The following PCNX2 variants were observed in gnomAD, a reference collection of about 807,000 sequenced individuals.
The protein encoded by PCNX2 is pecanex 2.
PCNX2 carries 168 observed loss-of-function variants against 223.8 expected under a neutral mutation model. The observed-to-expected ratio is 0.75, with a 90% CI of 0.66 to 0.85. The LOEUF (loss-of-function observed/expected upper bound fraction) is 0.85. Ranked by LOEUF, PCNX2 falls within the 40% of genes least tolerant of loss-of-function variation. PCNX2 has a pLI of 0.00. For synonymous variants in PCNX2, 1,006 were observed against 1,052.6 expected (o/e 0.96, Z 0.86); for missense variants, 2,507 against 2,675.5 (o/e 0.94, Z 1.39).
intron 23 of PCNX2, among the ~76,000 whole-genome samples, chr1:233,066,316 G>C (rs999853809): frequency 2.6e-5 from 4 of 152,208 alleles, no homozygotes; most frequent in African/African-American, 7.2e-5. Context: ...TGGACCATGG[G>C]AAAGAAGAGC....
chr1:233,127,176 C>G (rs1436260046), intron 21 of PCNX2, among the ~76,000 whole-genome samples: 1 of 152,178 alleles, frequency 6.6e-6, no homozygotes, highest in Admixed American at 6.5e-5. Flanking sequence ...TGCTTAACAG[C>G]CGTCAGCTGA....
intron 23 of PCNX2, among the ~76,000 whole-genome samples, chr1:233,072,226 T>C (rs1045201321): frequency 2.6e-5 from 4 of 152,238 alleles, no homozygotes; most frequent in Non-Finnish European, 4.4e-5. Context: ...TCTGTTCCTA[T>C]ATCAAAATGG....
At chr1:233,280,296 AC>A (rs1345143079) in intron 1 of PCNX2, among the ~76,000 whole-genome samples, 2 of 108,666 alleles carry the variant, frequency 1.8e-5, no homozygotes, top group African/African-American at 3.3e-5. Context: ...ATTCCATATT[AC>A]CTTTTTTTTT....
chr1:233,320,118 A>AT, the PCNX2 span, among the ~76,000 whole-genome samples: 4 of 152,162 alleles, frequency 2.6e-5, no homozygotes, highest in Admixed American at 1.3e-4. Context: ...AAGGCAAAGC[A>AT]TTTTTTTAAC....
In PCNX2 at chr1:233,236,897, T is replaced by C; in HGVS notation, c.2306A>G (p.Gln769Arg). ...SSGDPAVSAL[Q>R]QQLLLMVARR... ...AGCCACCATCAGTAACAGCTGTTGC[T>C]GAAGGGCACTGACGGCAGGGTCCCC... Residue 769 changes from glutamine to arginine, a missense_variant, in exon 9 of 34, where the codon CAG becomes CGG. Physicochemically the swap from Gln to Arg is conservative, Grantham distance 43. Transcript: ENST00000258229. The C allele has an allele frequency of 6.2e-7, 1 of 1,614,022 alleles. No homozygotes were observed. Among genetic ancestry groups the C allele is most frequent in the Non-Finnish European group, 8.5e-7 (1 of 1,179,872 alleles).
intron 15 of PCNX2, among the ~76,000 whole-genome samples, chr1:233,182,467 T>C (rs975395661): frequency 3.3e-5 from 5 of 152,110 alleles, no homozygotes; most frequent in African/African-American, 1.2e-4. Flanking sequence ...CCACACTCTG[T>C]CCTTTGTATA....
At chr1:233,034,160 C>T (rs1671365625) in intron 25 of PCNX2, among the ~76,000 whole-genome samples, 4 of 152,128 alleles carry the variant, frequency 2.6e-5, no homozygotes, top group Admixed American at 6.5e-5. Flanking sequence ...TGCAATGAGC[C>T]GAGATCGTGC....
At chr1:233,009,425 G>A (rs732168) in intron 28 of PCNX2, among the ~76,000 whole-genome samples, 40,507 of 152,070 alleles carry the variant, frequency 0.27, 5,957 homozygotes, top group East Asian at 0.49. Flanking sequence ...TGGTGATATT[G>A]CTTCAAATAA....
At chr1:233,021,293 T>C (rs1670881243) in intron 26 of PCNX2, among the ~76,000 whole-genome samples, 1 of 152,168 alleles carries the variant, frequency 6.6e-6, no homozygotes, top group African/African-American at 2.4e-5. Flanking sequence ...CCATCCTGAG[T>C]GCTGACTTGG....
At chr1:233,099,767 C>G (rs1181316854) in intron 21 of PCNX2, among the ~76,000 whole-genome samples, 1 of 152,152 alleles carries the variant, frequency 6.6e-6, no homozygotes, top group East Asian at 1.9e-4. Flanking sequence ...AGAGGGACCT[C>G]CTGCACCACA....
intron 21 of PCNX2, among the ~76,000 whole-genome samples, chr1:233,128,343 G>C (rs1037514756): frequency 4.0e-5 from 6 of 151,202 alleles, no homozygotes; most frequent in African/African-American, 1.5e-4. Context: ...GTTTTGTTTT[G>C]GTTTTTTTTG....
At chr1:233,307,631 C>A in the PCNX2 span, among the ~76,000 whole-genome samples, 2 of 152,200 alleles carry the variant, frequency 1.3e-5, no homozygotes, top group Non-Finnish European at 2.9e-5. Flanking sequence ...TTGTAAGAGA[C>A]AGTGGTAGCT....
intron 21 of PCNX2, among the ~76,000 whole-genome samples, chr1:233,133,265 AAT>A (rs1676610670): frequency 6.6e-6 from 1 of 152,232 alleles, no homozygotes; most frequent in Non-Finnish European, 1.5e-5. Context: ...TAACTTCACA[AAT>A]AGTTTAAAGA....
chr1:233,081,468 A>G (rs1673355430), intron 23 of PCNX2, among the ~76,000 whole-genome samples: 1 of 152,216 alleles, frequency 6.6e-6, no homozygotes, highest in Admixed American at 6.5e-5. Flanking sequence ...AGGATCATCG[A>G]GGCTTCATTC....
intron 23 of PCNX2, among the ~76,000 whole-genome samples, chr1:233,067,526 T>G (rs536733827): frequency 4.7e-4 from 71 of 151,884 alleles, no homozygotes; most frequent in African/African-American, 1.3e-3. Context: ...CGGGCTGAAG[T>G]GCAGTGGCAC....
At position 233,280,407 on chromosome 1, in the gene PCNX2, C is replaced by T. The variant is rs974827757; in HGVS notation, c.153+14919G>A. On this transcript the variant is annotated intron_variant, in intron 1 of 33. Coordinates refer to ENST00000258229, the MANE Select transcript of PCNX2 (RefSeq NM_014801.4). ...CTGCCTCCTGGGTTCAAGTGATTCT[C>T]GTGCCTCAACCTTCTGAGTAGCTGG... Among the ~76,000 whole-genome samples, 23 of 150,956 alleles carry T rather than the reference C, an allele frequency of 1.5e-4. No homozygotes were observed. In the East Asian group the frequency reaches 2.3e-3, roughly 15 times the overall value.
rs542163549 is a variant in PCNX2 at position 233,179,975 on chromosome 1, G to A, written c.3067-800C>T. On this transcript the variant is annotated intron_variant, in intron 15 of 33. Transcript: ENST00000258229. ...TGAGGTCCAGCTCCAGCCAATGGAT[G>A]CCAGACACAGCAGTAAGGACGACCC... Among the ~76,000 whole-genome samples the A allele has an allele frequency of 3.9e-4, 59 of 152,336 alleles. 1 individual carries two copies. Among genetic ancestry groups the A allele is most frequent in the South Asian group, 3.5e-3 (17 of 4,826 alleles).
intron 25 of PCNX2, among the ~76,000 whole-genome samples, chr1:233,050,221 A>C (rs1019431789): frequency 6.6e-6 from 1 of 151,848 alleles, no homozygotes; most frequent in African/African-American, 2.4e-5. Context: ...CATGTATCCC[A>C]GAAATTAAAG....
intron 23 of PCNX2, among the ~76,000 whole-genome samples, chr1:233,060,462 A>G (rs892411048): frequency 1.3e-5 from 2 of 152,218 alleles, no homozygotes; most frequent in African/African-American, 2.4e-5. Context: ...CTAAATTCTG[A>G]TGAGCAATAA....
Sources: gnomAD v4.1 joint callset for allele counts (sites outside exome capture counted in the v4.1 genomes callset) on GRCh38, gnomAD v4.1.1 for gene constraint, MANE v1.5 for transcripts, NCBI Gene and HGNC (gene_info 2026-07-23, HGNC 2026-07-21) for gene names.